The following RNF123 variants were observed in gnomAD, a reference collection of about 807,000 sequenced individuals.
RNF123 encodes the protein ring finger protein 123, also known as E3 ubiquitin-protein ligase RNF123.
RNF123 carries 86 observed loss-of-function variants against 168.5 expected under a neutral mutation model. The ratio of observed to expected loss-of-function variants is 0.51; its 90% CI spans 0.43 to 0.61. The LOEUF (loss-of-function observed/expected upper bound fraction) is 0.61, where lower values mean the gene tolerates loss of function less well. Ranked by LOEUF, RNF123 falls within the 20% of genes least tolerant of loss-of-function variation. The probability of loss-of-function intolerance (pLI) is 0.00; values close to 1 mark genes in which losing one functional copy is unlikely to be tolerated. For missense variants in RNF123, 1,419 were observed against 1,729.7 expected, an observed-to-expected ratio of 0.82 and a Z score of 3.19; for synonymous variants, 666 against 689.1, an observed-to-expected ratio of 0.97 and a Z score of 0.52.
chr3:49,721,465 C>CTAA lies in RNF123; in HGVS notation c.*162_*164dup, dbSNP rs2080405876. ...CATTGGTGGGAGCCCAGCCATGGCCCTAATTGTGCCTGAGCTTGACTTTCA... is the reference window on the plus strand; with the variant it reads ...CATTGGTGGGAGCCCAGCCATGGCCCTAATAATTGTGCCTGAGCTTGACTTTCA... On this transcript the variant is annotated 3_prime_UTR_variant, in exon 39 of 39. Coordinates refer to ENST00000327697, the MANE Select transcript of RNF123 (RefSeq NM_022064.5). 6.0e-6 allele frequency: 6 copies of CTAA among 1,002,578 alleles called. No homozygotes were observed. The highest frequency in any genetic ancestry group is 5.1e-5 in the South Asian group (4 of 78,030). The allele number at this position is 1,002,578 out of a possible 1,614,324, so 62.1% of individuals were successfully genotyped here. A position where few individuals can be genotyped will look rare whatever the true frequency, so the allele number is the denominator to read the frequency against.
Position 49,720,784 on chromosome 3 carries a change from A to G in RNF123, c.3644-16A>G. On this transcript the variant is annotated splice_polypyrimidine_tract_variant and intron_variant, in intron 36 of 38. Coordinates refer to ENST00000327697, the MANE Select transcript of RNF123 (RefSeq NM_022064.5). The stretch of plus-strand genomic sequence containing the variant: ...CCTCAGCTACCTCTGACTTGACACT[A>G]CCTACCACTCCCCAGATGCGGATTA... The G allele has an allele frequency of 3.7e-6, 6 of 1,613,898 alleles. No individual in the cohort carries two copies. The highest frequency in any genetic ancestry group is 5.1e-6 in the Non-Finnish European group (6 of 1,179,872).
intron 20 of RNF123, 44 bp from the exon 21 acceptor site, chr3:49,703,378 CTTCCT>C: frequency 6.7e-7 from 1 of 1,499,714 alleles, no homozygotes; most frequent in Non-Finnish European, 9.2e-7. Flanking sequence ...TGGGGAGGGT[CTTCCT>C]ACTGGGCCGT....
At chr3:49,693,347 CTTTTTTTT>C (rs35938648) in intron 3 of RNF123, among the ~76,000 whole-genome samples, 2 of 34,124 alleles carry the variant, frequency 5.9e-5, no homozygotes, top group Admixed American at 5.0e-4. Flanking sequence ...TGTGCCTGGC[CTTTTTTTT>C]TTTTTTTTTT....
intron 24 of RNF123, 99 bp downstream of exon 24, chr3:49,705,778 C>G (rs1177513490): frequency 1.9e-6 from 3 of 1,561,340 alleles, no homozygotes; most frequent in South Asian, 2.3e-5. Context: ...GCTGCCTGTT[C>G]AAGACCGTGC....
rs780148946 is a variant in RNF123, at chr3:49,713,722, C to T, written c.2750-16C>T. 27 of 1,589,444 alleles carry T rather than the reference C, an allele frequency of 1.7e-5. No individual in the cohort carries two copies. The highest frequency in any genetic ancestry group is 3.4e-5 in the South Asian group (3 of 88,236). On this transcript the variant is annotated splice_polypyrimidine_tract_variant and intron_variant, in intron 28 of 38. Transcript: ENST00000327697. ...CTCATGCCAAGCCCCTGCTGAGGCA[C>T]GGTGTGTCCCCGCAGACATCCGAGA...
At chr3:49,706,720 G>T in intron 25 of RNF123, 71 bp from the exon 26 acceptor site, 2 of 1,367,850 alleles carry the variant, frequency 1.5e-6, no homozygotes, top group Non-Finnish European at 2.1e-6. Flanking sequence ...TTCCTAGGCT[G>T]CCTGCAGGAT....
intron 15 of RNF123, 64 bp downstream of exon 15, chr3:49,700,773 G>A (rs1007139540): frequency 8.3e-6 from 13 of 1,558,506 alleles, no homozygotes; most frequent in Non-Finnish European, 8.8e-6. Flanking sequence ...GCAGAGGCCA[G>A]GAAGGGGAGT....
At chr3:49,714,655 C>G (rs1000902363) in intron 31 of RNF123, among the ~76,000 whole-genome samples, 16 of 152,186 alleles carry the variant, frequency 1.1e-4, no homozygotes, top group African/African-American at 3.9e-4. Flanking sequence ...TTGGCCAGGT[C>G]CCCAGAGGGT....
Position 49,705,595 on chromosome 3 carries a change from G to GC in RNF123, c.2224dup (p.Leu742ProfsTer34), listed in dbSNP as rs767028566. 6.2e-7 allele frequency: 1 copy of GC among 1,613,444 alleles called. No homozygotes were observed. The highest frequency in any genetic ancestry group is 8.5e-7 in the Non-Finnish European group (1 of 1,179,734). ...GGCGGCCCCCCGAGGAGCCTGAGCAGCCCCTCACCGAGAACTCGCTGCTGG... is the reference window on the plus strand; with the variant it reads ...GGCGGCCCCCCGAGGAGCCTGAGCAGCCCCCTCACCGAGAACTCGCTGCTGG... On this transcript the variant is annotated frameshift_variant, in exon 24 of 39. Coordinates refer to ENST00000327697, the MANE Select transcript of RNF123 (RefSeq NM_022064.5). LOFTEE classifies it high-confidence loss of function.
chr3:49,715,591 C>G lies in RNF123; in HGVS notation c.3027C>G (p.Thr1009=). 1 of 1,614,096 alleles carries G rather than the reference C, an allele frequency of 6.2e-7. No homozygotes were observed. Among genetic ancestry groups the G allele is most frequent in the Non-Finnish European group, 8.5e-7 (1 of 1,180,002 alleles). The change falls in exon 32 of 39, where the codon ACC becomes ACG. Residue 1009 remains threonine, a synonymous_variant. Transcript: ENST00000327697. ...CCCCTGCAGAGCCCTGCCCTTCCAC[C>G]CTGCTGCAGCAGCACATGGCGGACC... The part of the protein sequence containing the change: ...LPSLQKPCPS[T]LLQQHMADLL...
Position 49,712,476 on chromosome 3 carries a change from CAGG to C in RNF123, c.2497_2499del (p.Glu833del), listed in dbSNP as rs1218663790. The C allele has an allele frequency of 1.9e-6, 3 of 1,613,952 alleles. No individual in the cohort carries two copies. Among genetic ancestry groups the C allele is most frequent in the African/African-American group, 1.3e-5 (1 of 75,056 alleles). ...CCAGCAGCACCCCGTGTGCCTCCTG[CAGG>C]AGAAGATGCTGGACATCTACTGGCT... is the stretch of plus-strand genomic sequence containing the variant. On this transcript the variant is annotated splice_acceptor_variant and coding_sequence_variant, in exon 27 of 39. Transcript: ENST00000327697. LOFTEE classifies it high-confidence loss of function.
chr3:49,707,095 T>C (rs2054533848), intron 26 of RNF123, among the ~76,000 whole-genome samples, 197 bp downstream of exon 26: 1 of 152,144 alleles, frequency 6.6e-6, no homozygotes, highest in Non-Finnish European at 1.5e-5. Flanking sequence ...AAGCGCAGTT[T>C]CTGGACCTCC....
At chr3:49,718,134 G>T (rs1401431804) in intron 35 of RNF123, 1 of 1,613,352 alleles carries the variant, frequency 6.2e-7, no homozygotes, top group Non-Finnish European at 8.5e-7. Flanking sequence ...CCTTGCGGCT[G>T]GGTGCGTCTG....
intron 1 of RNF123, among the ~76,000 whole-genome samples, chr3:49,690,398 T>C (rs1322632156): frequency 6.6e-6 from 1 of 152,232 alleles, no homozygotes; most frequent in African/African-American, 2.4e-5. Context: ...GGCTGCTGTG[T>C]TGGACAGCAC....
Position 49,715,561 on chromosome 3 carries a change from C to G in RNF123, c.3011-14C>G. The G allele has an allele frequency of 6.2e-7, 1 of 1,613,660 alleles. No homozygotes were observed. Among genetic ancestry groups the G allele is most frequent in the South Asian group, 1.1e-5 (1 of 91,064 alleles). ...GTGGAGTCCCTGATGATGCCGCCTC[C>G]TGTCCCCCTGCAGAGCCCTGCCCTT... is the stretch of plus-strand genomic sequence containing the variant. On this transcript the variant is annotated splice_polypyrimidine_tract_variant and intron_variant, in intron 31 of 38. Coordinates refer to ENST00000327697, the MANE Select transcript of RNF123 (RefSeq NM_022064.5).
chr3:49,700,421 G>C (rs778369151), intron 13 of RNF123, 51 bp from the exon 14 acceptor site: 2 of 1,611,984 alleles, frequency 1.2e-6, no homozygotes, highest in Non-Finnish European at 1.7e-6. Context: ...GATACGGGGA[G>C]AATCTTGGAA....
Position 49,697,869 on chromosome 3 carries a change from C to T in RNF123, c.343-16C>T, listed in dbSNP as rs1248999346. ...TGTGCCTGGGAGCTAGCCCACCACC[C>T]CTCTTCTTCACCCAGGTGATTGGAC... On this transcript the variant is annotated splice_polypyrimidine_tract_variant and intron_variant, in intron 5 of 38. Coordinates refer to ENST00000327697, the MANE Select transcript of RNF123 (RefSeq NM_022064.5). 4 of 1,614,142 alleles carry T rather than the reference C, an allele frequency of 2.5e-6. No homozygotes were observed. The highest frequency in any genetic ancestry group is 2.2e-5 in the South Asian group (2 of 91,088).
At chr3:49,700,770 C>T in intron 15 of RNF123, 61 bp downstream of exon 15, 1 of 1,556,192 alleles carries the variant, frequency 6.4e-7, no homozygotes, top group Non-Finnish European at 8.9e-7. Context: ...TCAGCAGAGG[C>T]CAGGAAGGGG....
intron 34 of RNF123, 74 bp from the exon 35 acceptor site, chr3:49,716,319 G>A (rs1013388165): frequency 4.8e-5 from 74 of 1,555,566 alleles, no homozygotes; most frequent in Non-Finnish European, 5.9e-5. Context: ...CTGTAGAGAG[G>A]GCAGTGGGCA....
Sources: gnomAD v4.1 joint callset for allele counts (sites outside exome capture counted in the v4.1 genomes callset) on GRCh38, gnomAD v4.1.1 for gene constraint, MANE v1.5 for transcripts, NCBI Gene and HGNC (gene_info 2026-07-23, HGNC 2026-07-21) for gene names.